The following TBCD variants were observed in gnomAD, a reference collection of about 807,000 sequenced individuals.
The protein encoded by TBCD is tubulin-specific chaperone D.
A neutral mutation model predicts 169.3 loss-of-function variants in TBCD; 105 were observed. That is an observed-to-expected ratio of 0.62 (90% CI 0.53 to 0.73). The LOEUF is 0.73. Ranked by LOEUF, TBCD falls within the 30% of genes least tolerant of loss-of-function variation. TBCD has a pLI of 0.00. For synonymous variants in TBCD, 700 were observed against 643.9 expected (o/e 1.09, Z -1.32); for missense variants, 1,444 against 1,600.1 (o/e 0.90, Z 1.66).
chr17:82,842,586 T>C (rs554493741), intron 13 of TBCD, among the ~76,000 whole-genome samples: 1 of 152,198 alleles, frequency 6.6e-6, no homozygotes, highest in South Asian at 2.1e-4. Context: ...AGTTAATCAT[T>C]TAGTTTGACA....
At chr17:82,854,347 C>T (rs2056072792) in intron 13 of TBCD, among the ~76,000 whole-genome samples, 2 of 152,206 alleles carry the variant, frequency 1.3e-5, no homozygotes, top group African/African-American at 4.8e-5. Flanking sequence ...ATCCTTTCCA[C>T]ATAAGACCAG....
chr17:82,891,498 G>C (rs949389029), intron 16 of TBCD, among the ~76,000 whole-genome samples: 2 of 152,224 alleles, frequency 1.3e-5, no homozygotes, highest in Admixed American at 1.3e-4. Flanking sequence ...CAGGTGCGGA[G>C]CGTCTCCCAG....
Position 82,893,619 on chromosome 17 carries a change from T to C in TBCD, c.1636T>C (p.Phe546Leu). The C allele has an allele frequency of 6.2e-7, 1 of 1,607,832 alleles. No homozygotes were observed. Among genetic ancestry groups the C allele is most frequent in the East Asian group, 2.2e-5 (1 of 44,824 alleles). Residue 546 changes from phenylalanine (F) to leucine (L), a missense_variant, in exon 17 of 39, where the codon TTC (phenylalanine) becomes CTC (leucine). By Grantham distance (22) the Phe-to-Leu change is conservative. Coordinates refer to ENST00000355528, the MANE Select transcript of TBCD (RefSeq NM_005993.5). ...TGCCGTCGGTAACAGATCCAACTGT[T>C]TCCTGGTTATAAGGTAAGTCTTTAA... Reference protein sequence around the residue: ...YFAVGNRSNCFLVISVFIAGF... With the variant: ...YFAVGNRSNCLLVISVFIAGF...
At chr17:82,791,099 T>TC (rs2049690780) in intron 7 of TBCD, among the ~76,000 whole-genome samples, 1 of 149,556 alleles carries the variant, frequency 6.7e-6, no homozygotes, top group Non-Finnish European at 1.5e-5. Context: ...ATCTTTTTTT[T>TC]TTTTTTTTTT....
chr17:82,861,381 C>T (rs184854357), intron 13 of TBCD, among the ~76,000 whole-genome samples: 1,181 of 38,996 alleles, frequency 0.03, 9 homozygotes, highest in South Asian at 0.054. Flanking sequence ...GCTGCTGGTT[C>T]ACGTCAGCTG....
intron 13 of TBCD, among the ~76,000 whole-genome samples, chr17:82,863,259 G>A (rs562478872): frequency 8.5e-5 from 13 of 152,082 alleles, no homozygotes; most frequent in Non-Finnish European, 1.5e-4. Flanking sequence ...GATGCCCCCA[G>A]GAGGAGGAGA....
chr17:82,865,327 C>T (rs2199111), intron 13 of TBCD, among the ~76,000 whole-genome samples: 78,645 of 151,980 alleles, frequency 0.52, 20,486 homozygotes, highest in East Asian at 0.66. Context: ...TCTCGGGAGC[C>T]GTTTCCTGCG....
In TBCD at chr17:82,832,623, C is replaced by T. The variant is rs1292535898; in HGVS notation, c.1318+17689C>T. 13 of 669,028 alleles carry T rather than the reference C, an allele frequency of 1.9e-5. No homozygotes were observed. The highest frequency in any genetic ancestry group is 2.6e-5 in the Non-Finnish European group (10 of 383,010). The allele number at this position is 669,028 out of a possible 1,614,324, so 41.4% of individuals were successfully genotyped here. On this transcript the variant is annotated intron_variant, in intron 13 of 38. Transcript: ENST00000355528. The surrounding 1 kb of genome is among the most constrained non-coding windows in gnomAD (Gnocchi z 4.9). ...AGGGTCTGGCGAGAGCCTCCGTCAT[C>T]TGGCGGCTGGGAGCTGTAATAAAGA...
chr17:82,910,511 C>T (rs1024322722), intron 22 of TBCD, among the ~76,000 whole-genome samples: 2 of 152,160 alleles, frequency 1.3e-5, no homozygotes, highest in African/African-American at 4.8e-5. Flanking sequence ...CTCTTTGTCA[C>T]ACACAGGATC....
intron 22 of TBCD, among the ~76,000 whole-genome samples, chr17:82,910,453 G>A (rs1220583142): frequency 3.9e-5 from 6 of 152,138 alleles, no homozygotes; most frequent in Admixed American, 2.0e-4. Context: ...AAATTTTATC[G>A]TCTGTCTTAT....
chr17:82,794,727 G>A (rs1027177170), intron 7 of TBCD, among the ~76,000 whole-genome samples: 1 of 152,216 alleles, frequency 6.6e-6, no homozygotes, highest in Non-Finnish European at 1.5e-5. Context: ...ACAAAGCCCT[G>A]TCTTCATTGA....
At chr17:82,926,554 A>AGG in intron 28 of TBCD, 63 bp downstream of exon 28, 3 of 1,415,486 alleles carry the variant, frequency 2.1e-6, no homozygotes, top group Non-Finnish European at 2.0e-6. Context: ...ATGAACGCTA[A>AGG]GGGGGATGTT....
chr17:82,858,760 T>G, intron 13 of TBCD: 4 of 622,078 alleles, frequency 6.4e-6, no homozygotes, highest in Non-Finnish European at 6.0e-6. Context: ...GGCCTGTCGG[T>G]GTGAACGGGC....
At chr17:82,763,615 C>T (rs1286351061) in intron 2 of TBCD, among the ~76,000 whole-genome samples, 1 of 152,114 alleles carries the variant, frequency 6.6e-6, no homozygotes, top group Non-Finnish European at 1.5e-5. Context: ...GTGACGCGTG[C>T]CTGTAATTCC....
intron 13 of TBCD, chr17:82,830,456 C>G (rs762777156): frequency 1.2e-6 from 2 of 1,612,678 alleles, no homozygotes; most frequent in South Asian, 1.1e-5. Context: ...GCGCATGCGT[C>G]TGGAGCCTCC....
intron 7 of TBCD, among the ~76,000 whole-genome samples, chr17:82,783,933 T>C (rs1343437540): frequency 6.6e-6 from 1 of 152,136 alleles, no homozygotes; most frequent in East Asian, 1.9e-4. Flanking sequence ...GAGACCAGCC[T>C]GGTCAACGTG....
intron 18 of TBCD, among the ~76,000 whole-genome samples, chr17:82,902,314 A>T (rs939467621): frequency 6.6e-6 from 1 of 152,110 alleles, no homozygotes; most frequent in Non-Finnish European, 1.5e-5. Flanking sequence ...AGTTTATTTT[A>T]TTTAGTTTAT....
At chr17:82,816,469 C>T (rs2051913190) in intron 13 of TBCD, among the ~76,000 whole-genome samples, 1 of 152,178 alleles carries the variant, frequency 6.6e-6, no homozygotes, top group African/African-American at 2.4e-5. Flanking sequence ...AAAATGATTG[C>T]ACCATTTCAA....
At chr17:82,766,505 TTTC>T in intron 4 of TBCD, 137 bp downstream of exon 4, 4 of 553,866 alleles carry the variant, frequency 7.2e-6, no homozygotes, top group Non-Finnish European at 9.5e-6. Flanking sequence ...TCCTCTTTTC[TTTC>T]TTTTCTTTTC....
Sources: allele counts gnomAD v4.1 joint callset (sites outside exome capture counted in the v4.1 genomes callset), GRCh38; gene constraint gnomAD v4.1.1; non-coding constraint Gnocchi (gnomAD v3.1); transcripts MANE v1.5; gene names NCBI Gene and HGNC (gene_info 2026-07-23, HGNC 2026-07-21).